Variants in SLK observed in about 807,000 individuals in gnomAD.
SLK encodes the protein STE20 like kinase.
A neutral mutation model predicts 147.7 loss-of-function variants in SLK; 67 were observed. That is an observed-to-expected ratio of 0.45 (90% CI 0.37 to 0.56). The LOEUF (loss-of-function observed/expected upper bound fraction) is 0.56, where lower values mean the gene tolerates loss of function less well. SLK is among the 20% of genes least tolerant of loss of function. The probability of loss-of-function intolerance (pLI) is 0.00; values close to 1 mark genes in which losing one functional copy is unlikely to be tolerated. For missense variants in SLK, 1,136 were observed against 1,438.8 expected (o/e 0.79, Z 3.41); for synonymous variants, 441 against 475.0 (o/e 0.93, Z 0.93).
At chr10:104,022,975 T>C (rs1049326290) in intron 18 of SLK, among the ~76,000 whole-genome samples, 7 of 152,258 alleles carry the variant, frequency 4.6e-5, no homozygotes, top group African/African-American at 1.7e-4. Flanking sequence ...TGCATTCATG[T>C]AGTTTAGAAT....
intron 4 of SLK, among the ~76,000 whole-genome samples, chr10:103,997,427 T>C (rs1844189690): frequency 6.6e-6 from 1 of 152,204 alleles, no homozygotes; most frequent in Non-Finnish European, 1.5e-5. Flanking sequence ...TTAATTCTTT[T>C]GAGTATGCAC....
intron 14 of SLK, among the ~76,000 whole-genome samples, 168 bp downstream of exon 14, chr10:104,018,457 A>T (rs532473502): frequency 2.0e-5 from 3 of 152,210 alleles, no homozygotes; most frequent in Non-Finnish European, 4.4e-5. Flanking sequence ...AGTATACCTA[A>T]TGGTCGTGTG....
At position 104,018,786 on chromosome 10, in the gene SLK, C is replaced by T. The variant is rs993629758; in HGVS notation, c.3010C>T (p.Arg1004Ter). The T allele has an allele frequency of 5.0e-6, 8 of 1,608,100 alleles. No individual in the cohort carries two copies. Among genetic ancestry groups the T allele is most frequent in the Middle Eastern group, 1.7e-4 (1 of 6,040 alleles). The part of the protein sequence containing the change: ...LNNKQQLMRA[R>*]EAAIWELEER... Reference sequence around the variant, plus strand: ...TTTTGAAAACTGCTGTCTTCTAGCTCGAGAAGCTGCAATTTGGGAGCTCGA... The same window carrying T: ...TTTTGAAAACTGCTGTCTTCTAGCTTGAGAAGCTGCAATTTGGGAGCTCGA... Residue 1004 changes from arginine to a stop codon, truncating the protein, a stop_gained and splice_region_variant, in exon 15 of 19, where the codon CGA becomes TGA. Transcript: ENST00000369755. LOFTEE classifies it high-confidence loss of function.
chr10:103,985,675 C>A (rs895232667), intron 1 of SLK, among the ~76,000 whole-genome samples: 2 of 152,034 alleles, frequency 1.3e-5, no homozygotes, highest in African/African-American at 4.8e-5. Flanking sequence ...TCTCTGTTTT[C>A]TGTGCTGGTC....
intron 8 of SLK, 120 bp downstream of exon 8, chr10:104,001,692 T>G (rs949881662): frequency 3.8e-6 from 4 of 1,064,788 alleles, no homozygotes; most frequent in Non-Finnish European, 5.5e-6. Context: ...GACCTGAAGA[T>G]TAGTAGCAAG....
intron 1 of SLK, among the ~76,000 whole-genome samples, chr10:103,985,413 G>C (rs186419027): frequency 6.6e-6 from 1 of 152,262 alleles, no homozygotes; most frequent in East Asian, 1.9e-4. Flanking sequence ...TGAACAATTT[G>C]AGTTGTTTAG....
intron 18 of SLK, 131 bp from the exon 19 acceptor site, chr10:104,025,443 G>A (rs1414222645): frequency 3.8e-6 from 3 of 788,572 alleles, no homozygotes; most frequent in Non-Finnish European, 5.9e-6. Context: ...TTAAAAAATT[G>A]AGCAGGCGTG....
In SLK at chr10:104,003,025, A is replaced by G. The variant is rs746420701; in HGVS notation, c.1847A>G (p.Asn616Ser). The G allele has an allele frequency of 8.7e-6, 14 of 1,613,848 alleles. No individual in the cohort carries two copies. In the East Asian group the frequency reaches 2.9e-4, roughly 33 times the overall value. The change falls in exon 9 of 19, where the codon AAT becomes AGT. Residue 616 changes from asparagine (N) to serine (S), a missense_variant. Transcript: ENST00000369755. ...ATGAATGAAATAGAAGAAGGTAAAA[A>G]TAAGGAACAAGCAATAAACAGTTCA... ...VEMNEIEEGK[N>S]KEQAINSSEN... is the part of the protein sequence containing the mutation.
chr10:104,004,913 CT>C (rs1042612212), intron 9 of SLK, among the ~76,000 whole-genome samples: 4 of 152,130 alleles, frequency 2.6e-5, no homozygotes, highest in African/African-American at 9.7e-5. Context: ...AAATCTGGTA[CT>C]TTTGGGTGCA....
chr10:103,978,043 T>C (rs533302711), intron 1 of SLK, among the ~76,000 whole-genome samples: 2 of 152,220 alleles, frequency 1.3e-5, no homozygotes, highest in South Asian at 2.1e-4. Context: ...GGATTTTCTC[T>C]TCTTTCAAGT....
chr10:103,967,968 C>A (rs1031669538), intron 1 of SLK, 73 bp downstream of exon 1: 2 of 1,464,498 alleles, frequency 1.4e-6, no homozygotes, highest in African/African-American at 1.4e-5. Flanking sequence ...GGGAGGACTT[C>A]TGCTCCCCTG....
rs1283426329 is a variant in SLK at position 103,993,196 on chromosome 10, G to A, written c.514+63G>A. On this transcript the variant is annotated intron_variant, in intron 4 of 18. Coordinates refer to ENST00000369755, the MANE Select transcript of SLK (RefSeq NM_014720.4). ...CTCTGAAATTTCCATCTTTATGTATGTGACTTAATGTGGTTTTATTACTAC... is the reference window on the plus strand; with the variant it reads ...CTCTGAAATTTCCATCTTTATGTATATGACTTAATGTGGTTTTATTACTAC... 5 of 1,236,746 alleles carry A rather than the reference G, an allele frequency of 4.0e-6. No individual in the cohort carries two copies. In the Admixed American group the frequency reaches 6.4e-5, roughly 16 times the overall value. The allele number at this position is 1,236,746 out of a possible 1,614,324, so 76.6% of individuals were successfully genotyped here.
chr10:103,992,746 G>A (rs1052931063), intron 3 of SLK, 100 bp downstream of exon 3: 6 of 850,008 alleles, frequency 7.1e-6, no homozygotes, highest in East Asian at 2.9e-5. Context: ...TGTAAGTATC[G>A]AGTAAAGTTC....
chr10:103,991,653 C>T (rs1323398879), intron 2 of SLK, among the ~76,000 whole-genome samples: 1 of 151,770 alleles, frequency 6.6e-6, no homozygotes, highest in Admixed American at 6.6e-5. Context: ...GATCTACCTC[C>T]CAAATTATTT....
rs556695091 is a variant in SLK, at chr10:104,027,965, C to T, written c.*2245C>T. 1 of 152,106 alleles carries T rather than the reference C, an allele frequency of 6.6e-6. No homozygotes were observed. Among genetic ancestry groups the T allele is most frequent in the Non-Finnish European group, 1.5e-5 (1 of 68,040 alleles). The allele number at this position is 152,106 out of a possible 1,614,324, so 9.4% of individuals were successfully genotyped here. ...ATAATCGTGTGGGTGCAAGACTGTA[C>T]AGTGATACATATGTAGAGGTAAAGC... On this transcript the variant is annotated 3_prime_UTR_variant, in exon 19 of 19. Coordinates refer to ENST00000369755, the MANE Select transcript of SLK (RefSeq NM_014720.4).
At chr10:103,999,059 C>A (rs1475299066) in intron 5 of SLK, 60 bp from the exon 6 acceptor site, 4 of 1,539,882 alleles carry the variant, frequency 2.6e-6, no homozygotes, top group Non-Finnish European at 3.6e-6. Flanking sequence ...ATTGATTATA[C>A]CATGTGTTTT....
In SLK at chr10:104,005,893, T is replaced by G. The variant is rs1454767436; in HGVS notation, c.2481-19T>G. On this transcript the variant is annotated intron_variant, in intron 10 of 18. Transcript: ENST00000369755. The stretch of plus-strand genomic sequence containing the variant: ...TAATTTTTGCTGTCTTCTCTATCAT[T>G]ACCATTAAATTTTATCAGACGTCAG... The G allele has an allele frequency of 1.3e-6, 2 of 1,592,342 alleles. No individual in the cohort carries two copies. The highest frequency in any genetic ancestry group is 1.7e-6 in the Non-Finnish European group (2 of 1,174,802).
In SLK at chr10:103,973,369, A is replaced by T. The variant is rs74154710; in HGVS notation, c.150+5474A>T. On this transcript the variant is annotated intron_variant, in intron 1 of 18. Transcript: ENST00000369755. Reference sequence around the variant, plus strand: ...CATTCTCCGTTCTCTTCATTGATCTATTTGTCTATTCCTATACCAGTATCC... The same window carrying T: ...CATTCTCCGTTCTCTTCATTGATCTTTTTGTCTATTCCTATACCAGTATCC... Among the ~76,000 whole-genome samples, 1,072 of 152,230 alleles carry T rather than the reference A, an allele frequency of 7.0e-3. 7 individuals are homozygous for T. Among genetic ancestry groups the T allele is most frequent in the Middle Eastern group, 0.031 (9 of 294 alleles).
At chr10:104,001,058 CAAAAAAAAAAAAA>C (rs57046306) in intron 7 of SLK, among the ~76,000 whole-genome samples, 2 of 71,006 alleles carry the variant, frequency 2.8e-5, no homozygotes, top group African/African-American at 1.3e-4. Flanking sequence ...GACTCCGTCT[CAAAAAAAAAAAAA>C]AAAAAAAAAA....
Sources: gnomAD v4.1 joint callset for allele counts (sites outside exome capture counted in the v4.1 genomes callset) on GRCh38, gnomAD v4.1.1 for gene constraint, MANE v1.5 for transcripts, NCBI Gene and HGNC (gene_info 2026-07-23, HGNC 2026-07-21) for gene names.